RPS23: variants seen among roughly 807,000 people sequenced by gnomAD.
RPS23 encodes small ribosomal subunit protein uS12.
For missense variants in RPS23, 73 were observed against 174.5 expected, an observed-to-expected ratio of 0.42 and a Z score of 3.28; for synonymous variants, 66 against 60.4, an observed-to-expected ratio of 1.09 and a Z score of -0.43.
chr5:82,275,317 A>G lies in RPS23; in HGVS notation c.*792T>C, dbSNP rs1294514778. The G allele has an allele frequency of 5.7e-6, 4 of 702,622 alleles. No individual in the cohort carries two copies. Among genetic ancestry groups the G allele is most frequent in the Non-Finnish European group, 7.8e-6 (3 of 385,002 alleles). The allele number at this position is 702,622 out of a possible 1,614,324, so 43.5% of individuals were successfully genotyped here. On this transcript the variant is annotated 3_prime_UTR_variant, in exon 4 of 4. Transcript: ENST00000296674. ...AACTCTGAAACAAGTATTTGTGGAC[A>G]GCAAAATCCACATGTACTCAATACC...
In RPS23 at chr5:82,274,231, C is replaced by G. The variant is rs1045162081; in HGVS notation, c.*1878G>C. ...TTATTTTATTGATGTGTATTTTTGT[C>G]TCTCCTCCATGGATACATGAAGGAA... On this transcript the variant is annotated 3_prime_UTR_variant, in exon 4 of 4. Coordinates refer to ENST00000296674, the MANE Select transcript of RPS23 (RefSeq NM_001025.5). 6.6e-6 allele frequency: 1 copy of G among 152,074 alleles called. No homozygotes were observed. Among genetic ancestry groups the G allele is most frequent in the Non-Finnish European group, 1.5e-5 (1 of 68,028 alleles). The allele number at this position is 152,074 out of a possible 1,614,324, so 9.4% of individuals were successfully genotyped here.
rs1747754976 is a variant in RPS23 at position 82,275,556 on chromosome 5, CA to C, written c.*552del. 5 of 505,386 alleles carry C rather than the reference CA, an allele frequency of 9.9e-6. No individual in the cohort carries two copies. Among genetic ancestry groups the C allele is most frequent in the African/African-American group, 9.6e-5 (5 of 52,242 alleles). 31.3% of individuals were successfully genotyped at this position (505,386 alleles called of 1,614,324 possible). ...ATTCTCCTAAACACATTAATGTAGA[CA>C]CATTACAACACAGATCCTGACACCT... On this transcript the variant is annotated 3_prime_UTR_variant, in exon 4 of 4. Transcript: ENST00000296674.
intron 2 of RPS23, 85 bp from the exon 3 acceptor site, chr5:82,276,603 T>G (rs916020536): frequency 3.3e-6 from 5 of 1,528,530 alleles, no homozygotes; most frequent in African/African-American, 2.8e-5. Flanking sequence ...AATGAGAAAC[T>G]GTTTCTATCT....
In RPS23 at chr5:82,275,689, T is replaced by C. The variant is rs1747758008; in HGVS notation, c.*420A>G. Reference sequence around the variant, plus strand: ...GCATTTCCAAGGGTACCTAAGATAATCTATGTGCAATGAAATTTGGTAACT... The same window carrying C: ...GCATTTCCAAGGGTACCTAAGATAACCTATGTGCAATGAAATTTGGTAACT... On this transcript the variant is annotated 3_prime_UTR_variant, in exon 4 of 4. Transcript: ENST00000296674. The C allele has an allele frequency of 3.9e-6, 1 of 257,606 alleles. No individual in the cohort carries two copies. The highest frequency in any genetic ancestry group is 7.3e-6 in the Non-Finnish European group (1 of 136,846). 16.0% of individuals were successfully genotyped at this position (257,606 alleles called of 1,614,324 possible). A position where few individuals can be genotyped will look rare whatever the true frequency, so the allele number is the denominator to read the frequency against.
chr5:82,278,085 C>A, intron 1 of RPS23: 1 of 666,698 alleles, frequency 1.5e-6, no homozygotes, highest in Non-Finnish European at 2.6e-6. Flanking sequence ...GCTCGAATGC[C>A]CGGGAGGAAG....
In RPS23 at chr5:82,275,513, AAATGATCC is replaced by A. The variant is rs1747754096; in HGVS notation, c.*588_*595del. On this transcript the variant is annotated 3_prime_UTR_variant, in exon 4 of 4. Coordinates refer to ENST00000296674, the MANE Select transcript of RPS23 (RefSeq NM_001025.5). ...TGCCTGGCATATACTTCCATCAACT[AAATGATCC>A]AATGCCTGTATTCTCCTAAACACAT... The A allele has an allele frequency of 8.5e-6, 5 of 590,908 alleles. No homozygotes were observed. The highest frequency in any genetic ancestry group is 1.5e-5 in the Non-Finnish European group (5 of 331,736). The allele number at this position is 590,908 out of a possible 1,614,324, so 36.6% of individuals were successfully genotyped here. A position where few individuals can be genotyped will look rare whatever the true frequency, so the allele number is the denominator to read the frequency against.
Position 82,277,752 on chromosome 5 carries a change from G to A in RPS23, c.105C>T (p.Ala35=), listed in dbSNP as rs771866188. ...KQYKKAHLGT[A]LKANPFGGAS... is the part of the protein sequence containing the mutation. ...CACCTCCAAAAGGGTTGGCCTTTAG[G>A]GCTGTGCCCAAATGAGCTTTCTTAT... is the stretch of plus-strand genomic sequence containing the variant. The change falls in exon 2 of 4, where the codon GCC becomes GCT. Residue 35 remains alanine, a synonymous_variant. Coordinates refer to ENST00000296674, the MANE Select transcript of RPS23 (RefSeq NM_001025.5). 10 of 1,613,834 alleles carry A rather than the reference G, an allele frequency of 6.2e-6. No individual in the cohort carries two copies. Among genetic ancestry groups the A allele is most frequent in the Non-Finnish European group, 7.6e-6 (9 of 1,179,850 alleles).
In RPS23 at chr5:82,273,389, A is replaced by G. The variant is rs1037361180; in HGVS notation, c.*2720T>C. The G allele has an allele frequency of 2.0e-5, 3 of 149,512 alleles. No individual in the cohort carries two copies. The highest frequency in any genetic ancestry group is 6.6e-5 in the Admixed American group (1 of 15,218). The allele number at this position is 149,512 out of a possible 1,614,324, so 9.3% of individuals were successfully genotyped here. A position where few individuals can be genotyped will look rare whatever the true frequency, so the allele number is the denominator to read the frequency against. Reference sequence around the variant, plus strand: ...ACAGCCTTAAAATCTGAGCTCCTCAAGTGCACAATTTCTGTCCCTTTTAAG... The same window carrying G: ...ACAGCCTTAAAATCTGAGCTCCTCAGGTGCACAATTTCTGTCCCTTTTAAG... On this transcript the variant is annotated 3_prime_UTR_variant, in exon 4 of 4. Coordinates refer to ENST00000296674, the MANE Select transcript of RPS23 (RefSeq NM_001025.5).
chr5:82,276,708 C>G (rs1373134601), intron 2 of RPS23, 190 bp from the exon 3 acceptor site: 2 of 680,652 alleles, frequency 2.9e-6, no homozygotes, highest in South Asian at 4.0e-5. Flanking sequence ...GGGGAAATTT[C>G]TAGACCTTTT....
In RPS23 at chr5:82,275,471, G is replaced by A. The variant is rs995375771; in HGVS notation, c.*638C>T. 1.1e-4 allele frequency: 71 copies of A among 619,480 alleles called. No individual in the cohort carries two copies. Among genetic ancestry groups the A allele is most frequent in the African/African-American group, 9.4e-4 (51 of 54,526 alleles). The allele number at this position is 619,480 out of a possible 1,614,324, so 38.4% of individuals were successfully genotyped here. ...AGATACTGAAAACATCAGTCTTGTC[G>A]TATACCTTATCTCCCTTGCCTGGCA... is the stretch of plus-strand genomic sequence containing the variant. On this transcript the variant is annotated 3_prime_UTR_variant, in exon 4 of 4. Coordinates refer to ENST00000296674, the MANE Select transcript of RPS23 (RefSeq NM_001025.5).
chr5:82,277,636 A>G (rs953392472), intron 2 of RPS23, 57 bp downstream of exon 2: 1 of 1,537,024 alleles, frequency 6.5e-7, no homozygotes. Flanking sequence ...AGAATTCGTA[A>G]GTTCATGTCT....
chr5:82,276,911 C>T (rs1467310733), intron 2 of RPS23: 1 of 182,290 alleles, frequency 5.5e-6, no homozygotes, highest in African/African-American at 2.4e-5. Flanking sequence ...GGGCCGGACA[C>T]AGTGGCTCAC....
intron 2 of RPS23, chr5:82,277,394 C>G: frequency 2.5e-6 from 1 of 400,002 alleles, no homozygotes; most frequent in Non-Finnish European, 4.6e-6. Context: ...ATAGCTGACA[C>G]GTGCCATTTA....
intron 2 of RPS23, 175 bp downstream of exon 2, chr5:82,277,518 C>T: frequency 1.4e-6 from 1 of 694,772 alleles, no homozygotes; most frequent in Non-Finnish European, 2.5e-6. Context: ...ACCTAATTCC[C>T]AAAAACTAAT....
rs1362531082 is a variant in RPS23 at position 82,273,436 on chromosome 5, C to T, written c.*2673G>A. On this transcript the variant is annotated 3_prime_UTR_variant, in exon 4 of 4. Coordinates refer to ENST00000296674, the MANE Select transcript of RPS23 (RefSeq NM_001025.5). ...TAAGGGCTCACAACACTAAAGATTT[C>T]ACATGAAAGGGTCGTGATTGATTGA... is the stretch of plus-strand genomic sequence containing the variant. 1 of 149,328 alleles carries T rather than the reference C, an allele frequency of 6.7e-6. No homozygotes were observed. The highest frequency in any genetic ancestry group is 2.6e-5 in the African/African-American group (1 of 38,732). 9.3% of individuals were successfully genotyped at this position (149,328 alleles called of 1,614,324 possible). A position where few individuals can be genotyped will look rare whatever the true frequency, so the allele number is the denominator to read the frequency against.
Position 82,277,178 on chromosome 5 carries a change from C to CAA in RPS23, c.164+513_164+514dup, listed in dbSNP as rs71000896. Among the ~76,000 whole-genome samples, 70 of 82,372 alleles carry CAA rather than the reference C, an allele frequency of 8.5e-4. 1 individual carries two copies. Among genetic ancestry groups the CAA allele is most frequent in the Admixed American group, 1.5e-3 (10 of 6,774 alleles). The allele number at this position is 82,372 out of a possible 152,430, so 54.0% of individuals were successfully genotyped here. A position where few individuals can be genotyped will look rare whatever the true frequency, so the allele number is the denominator to read the frequency against. ...CCTGGGTGACAGAGCTAGACTGTCT[C>CAA]AAAAAAAAAAAAAAAAAAAAAAAAA... On this transcript the variant is annotated intron_variant, in intron 2 of 3. Coordinates refer to ENST00000296674, the MANE Select transcript of RPS23 (RefSeq NM_001025.5).
chr5:82,276,380 T>TA lies in RPS23; in HGVS notation c.285+17dup, dbSNP rs1320928066. 8 of 1,613,922 alleles carry TA rather than the reference T, an allele frequency of 5.0e-6. No individual in the cohort carries two copies. Among genetic ancestry groups the TA allele is most frequent in the Admixed American group, 1.7e-5 (1 of 60,016 alleles). ...GCCACCCCAAGAACAGAAGGTACGA[T>TA]AGAGTTGAAATACTCACCTCAATAA... On this transcript the variant is annotated intron_variant, in intron 3 of 3. Coordinates refer to ENST00000296674, the MANE Select transcript of RPS23 (RefSeq NM_001025.5).
chr5:82,278,312 C>T lies in RPS23; in HGVS notation c.4+8G>A. ...TGCAGCGCCCTTAAACCGGCCACAA[C>T]AGCTCACCCATCCTGTCGGCGCCAC... On this transcript the variant is annotated splice_region_variant and intron_variant, in intron 1 of 3. Transcript: ENST00000296674. 1 of 1,609,618 alleles carries T rather than the reference C, an allele frequency of 6.2e-7. No individual in the cohort carries two copies. The highest frequency in any genetic ancestry group is 8.5e-7 in the Non-Finnish European group (1 of 1,178,182).
At chr5:82,278,027 G>A (rs1561391676) in intron 1 of RPS23, 175 bp from the exon 2 acceptor site, 1 of 664,786 alleles carries the variant, frequency 1.5e-6, no homozygotes, top group Non-Finnish European at 2.6e-6. Context: ...ACTAATAAAC[G>A]TTCGAAGAGG....
Sources: gnomAD v4.1 joint callset for allele counts (sites outside exome capture counted in the v4.1 genomes callset) on GRCh38, gnomAD v4.1.1 for gene constraint, MANE v1.5 for transcripts, NCBI Gene and HGNC (gene_info 2026-07-23, HGNC 2026-07-21) for gene names.